GALNT13: variants seen among roughly 807,000 people sequenced by gnomAD.
The protein encoded by GALNT13 is polypeptide N-acetylgalactosaminyltransferase 13.
In GALNT13, 28 loss-of-function variants were observed where a neutral mutation model predicts 64.2. That is an observed-to-expected ratio of 0.44 (90% CI 0.32 to 0.60). The LOEUF is 0.60. Ranked by LOEUF, GALNT13 falls within the 20% of genes least tolerant of loss-of-function variation. The probability of loss-of-function intolerance (pLI) is 0.05; values close to 1 mark genes in which losing one functional copy is unlikely to be tolerated. For synonymous variants in GALNT13, 214 were observed against 224.6 expected (o/e 0.95, Z 0.42); for missense variants, 577 against 669.8 (o/e 0.86, Z 1.53).
At chr2:153,345,812 T>A in the GALNT13 span, among the ~76,000 whole-genome samples, 38 of 150,882 alleles carry the variant, frequency 2.5e-4, no homozygotes, top group Non-Finnish European at 4.9e-4. Flanking sequence ...TTTCTTTCCT[T>A]TCTGACAGGG....
intron 11 of GALNT13, 21 bp downstream of exon 11, chr2:154,409,103 A>T: frequency 6.9e-7 from 1 of 1,453,944 alleles, no homozygotes; most frequent in Non-Finnish European, 9.7e-7. Context: ...CCTTTTTATC[A>T]GCTTCATGTT....
At chr2:153,702,709 C>A in the GALNT13 span, among the ~76,000 whole-genome samples, 1 of 151,922 alleles carries the variant, frequency 6.6e-6, no homozygotes, top group African/African-American at 2.4e-5. Context: ...TTCAAGGAAG[C>A]AATGGGGAGA....
At chr2:154,295,189 G>A (rs1692846089) in intron 8 of GALNT13, among the ~76,000 whole-genome samples, 1 of 151,978 alleles carries the variant, frequency 6.6e-6, no homozygotes, top group Admixed American at 6.6e-5. Context: ...TATTAAACAG[G>A]GCTTAGTCTG....
intron 3 of GALNT13, among the ~76,000 whole-genome samples, chr2:154,097,691 G>A (rs1422077427): frequency 1.3e-5 from 2 of 150,582 alleles, no homozygotes; most frequent in African/African-American, 2.4e-5. Flanking sequence ...CCTTGGCTCA[G>A]AAAAAAAAAT....
the GALNT13 span, among the ~76,000 whole-genome samples, chr2:153,323,710 T>C: frequency 4.6e-5 from 7 of 152,226 alleles, no homozygotes; most frequent in Non-Finnish European, 1.5e-5. Context: ...TGCATATGGC[T>C]AGGCAGTTTT....
At chr2:154,189,520 AAG>A (rs2105751183) in intron 4 of GALNT13, among the ~76,000 whole-genome samples, 1 of 151,520 alleles carries the variant, frequency 6.6e-6, no homozygotes, top group South Asian at 2.1e-4. Context: ...AGCAACAAGG[AAG>A]AGAGTCCTCA....
At chr2:153,178,300 G>A in the GALNT13 span, among the ~76,000 whole-genome samples, 16 of 152,032 alleles carry the variant, frequency 1.1e-4, no homozygotes, top group Admixed American at 3.3e-4. Flanking sequence ...TTTCATAATG[G>A]TGGTACTAAG....
At chr2:153,359,630 C>CAAAAAA in the GALNT13 span, among the ~76,000 whole-genome samples, 323 of 38,236 alleles carry the variant, frequency 8.4e-3, 50 homozygotes, top group Middle Eastern at 0.033. Flanking sequence ...CAGCTTTCAG[C>CAAAAAA]AAAAAAAAAA....
intron 4 of GALNT13, among the ~76,000 whole-genome samples, chr2:154,140,837 G>A (rs1189867995): frequency 1.3e-5 from 2 of 152,038 alleles, no homozygotes; most frequent in African/African-American, 2.4e-5. Flanking sequence ...GATTACAGTC[G>A]TATATTGCTT....
the GALNT13 span, among the ~76,000 whole-genome samples, chr2:153,562,740 T>C: frequency 6.6e-6 from 1 of 152,202 alleles, no homozygotes; most frequent in Non-Finnish European, 1.5e-5. Flanking sequence ...TTCATACTTT[T>C]TAAGTATTTG....
intron 8 of GALNT13, among the ~76,000 whole-genome samples, chr2:154,284,156 G>T (rs1692123065): frequency 1.3e-5 from 2 of 151,994 alleles, no homozygotes; most frequent in African/African-American, 4.8e-5. Flanking sequence ...AAGCAATTTT[G>T]AAATACAAAA....
At chr2:154,053,377 C>T (rs1699741576) in intron 3 of GALNT13, among the ~76,000 whole-genome samples, 1 of 151,098 alleles carries the variant, frequency 6.6e-6, no homozygotes, top group Non-Finnish European at 1.5e-5. Context: ...TTTCCCTTCA[C>T]TTAACTTTTT....
chr2:154,290,904 G>C (rs1347329928), intron 8 of GALNT13, among the ~76,000 whole-genome samples: 1 of 151,726 alleles, frequency 6.6e-6, no homozygotes, highest in Non-Finnish European at 1.5e-5. Context: ...GTCTGGAGTT[G>C]TTTGCTCTTT....
the GALNT13 span, among the ~76,000 whole-genome samples, chr2:153,812,418 A>G: frequency 3.3e-5 from 5 of 152,200 alleles, no homozygotes; most frequent in African/African-American, 1.2e-4. Flanking sequence ...TATGATAAAT[A>G]TGGAGGTCTT....
the GALNT13 span, among the ~76,000 whole-genome samples, chr2:153,272,223 C>T: frequency 6.6e-6 from 1 of 152,132 alleles, no homozygotes; most frequent in Non-Finnish European, 1.5e-5. Context: ...ATGACTAAAA[C>T]ACTAAAAGCA....
At chr2:154,252,104 G>A (rs1398251694) in intron 7 of GALNT13, among the ~76,000 whole-genome samples, 2 of 151,716 alleles carry the variant, frequency 1.3e-5, no homozygotes, top group Non-Finnish European at 2.9e-5. Flanking sequence ...ATAAATAATA[G>A]CTTAGAACTA....
intron 11 of GALNT13, among the ~76,000 whole-genome samples, chr2:154,422,367 T>A (rs1257748358): frequency 6.6e-6 from 1 of 152,150 alleles, no homozygotes; most frequent in Non-Finnish European, 1.5e-5. Context: ...TGTAGAAACT[T>A]TTTCAATTCA....
At chr2:153,830,744 C>G in the GALNT13 span, among the ~76,000 whole-genome samples, 1 of 152,112 alleles carries the variant, frequency 6.6e-6, no homozygotes, top group African/African-American at 2.4e-5. Flanking sequence ...ATTTGTAAAA[C>G]TTGTTCCTAG....
chr2:153,216,571 G>T, the GALNT13 span, among the ~76,000 whole-genome samples: 1 of 151,810 alleles, frequency 6.6e-6, no homozygotes, highest in Non-Finnish European at 1.5e-5. Context: ...TAATGATGTT[G>T]GACATATTTT....
Sources: allele counts gnomAD v4.1 joint callset (sites outside exome capture counted in the v4.1 genomes callset), GRCh38; gene constraint gnomAD v4.1.1; transcripts MANE v1.5; gene names NCBI Gene and HGNC (gene_info 2026-07-23, HGNC 2026-07-21).